Variants in GK observed in about 807,000 individuals in gnomAD.
The protein encoded by GK is glycerol kinase, also known as ATP:glycerol 3-phosphotransferase.
GK carries 9 observed loss-of-function variants against 56.4 expected under a neutral mutation model. The observed-to-expected ratio is 0.16, with a 90% CI of 0.10 to 0.28. GK has a LOEUF of 0.28. GK is among the 10% of genes least tolerant of loss of function. GK has a pLI of 1.00. For synonymous variants in GK, 104 were observed against 144.1 expected (o/e 0.72, Z 1.99); for missense variants, 161 against 431.4 (o/e 0.37, Z 5.55).
intron 4 of GK, among the ~76,000 whole-genome samples, chrX:30,680,570 C>G (rs113304413): frequency 9.0e-6 from 1 of 111,638 alleles, no homozygotes; most frequent in Non-Finnish European, 1.9e-5. Flanking sequence ...TTCAAACACA[C>G]CAGTATGCGG....
chrX:30,672,108 G>A (rs1331008235), intron 3 of GK: 3 of 84,150 alleles, frequency 3.6e-5, no homozygotes, highest in Admixed American at 1.7e-4. Flanking sequence ...ACGCCGAGCC[G>A]AGATCATGCC....
At chrX:30,678,671 G>GTTTTT (rs35987506) in intron 4 of GK, among the ~76,000 whole-genome samples, 5 of 85,762 alleles carry the variant, frequency 5.8e-5, no homozygotes, top group Non-Finnish European at 6.7e-5. Context: ...TTTCTGTGGT[G>GTTTTT]TTTTTTTTTT....
intron 13 of GK, among the ~76,000 whole-genome samples, chrX:30,716,510 G>A (rs904617080): frequency 1.8e-5 from 2 of 111,253 alleles, no homozygotes; most frequent in Non-Finnish European, 3.8e-5. Flanking sequence ...AATACATTGG[G>A]TTAAATAAAA....
intron 4 of GK, among the ~76,000 whole-genome samples, chrX:30,680,205 C>A (rs755167296): frequency 2.0e-4 from 22 of 111,510 alleles, no homozygotes; most frequent in Non-Finnish European, 3.6e-4. Flanking sequence ...TAATAATACT[C>A]AGTAAGTGCT....
intron 1 of GK, among the ~76,000 whole-genome samples, chrX:30,663,122 A>G (rs891994908): frequency 3.6e-5 from 4 of 110,021 alleles, no homozygotes; most frequent in African/African-American, 1.3e-4. Context: ...ACCTCAGGTG[A>G]TCCACCTGCT....
intron 13 of GK, among the ~76,000 whole-genome samples, chrX:30,714,138 A>G (rs1936493130): frequency 8.9e-6 from 1 of 112,059 alleles, no homozygotes; most frequent in Admixed American, 9.5e-5. Context: ...TAACGATTAT[A>G]GCGTTAAGAT....
Position 30,720,106 on chromosome X carries a change from T to C in GK, c.1236+11T>C. On this transcript the variant is annotated intron_variant, in intron 16 of 20. Coordinates refer to ENST00000427190, the MANE Select transcript of GK (RefSeq NM_001205019.2). ...TTCCAAACTCGAGAGGTAACAAATA[T>C]GGGCCTGTTTTCTTGTACTTAGTTC... is the stretch of plus-strand genomic sequence containing the variant. 9.3e-7 allele frequency: 1 copy of C among 1,078,370 alleles called. No homozygotes were observed. Among genetic ancestry groups the C allele is most frequent in the Non-Finnish European group, 1.3e-6 (1 of 773,686 alleles). 88.9% of individuals were successfully genotyped at this position (1,078,370 alleles called of 1,213,427 possible). A position where few individuals can be genotyped will look rare whatever the true frequency, so the allele number is the denominator to read the frequency against.
chrX:30,678,402 A>G (rs980524135), intron 4 of GK, among the ~76,000 whole-genome samples: 2 of 111,867 alleles, frequency 1.8e-5, no homozygotes, highest in African/African-American at 6.5e-5. Flanking sequence ...CTAAATTACA[A>G]TCACTAAAAG....
chrX:30,677,684 G>T (rs754543762), intron 4 of GK, among the ~76,000 whole-genome samples: 2 of 109,663 alleles, frequency 1.8e-5, no homozygotes, highest in South Asian at 7.9e-4. Context: ...AATTAGCCAG[G>T]TGTGGTGGCA....
intron 1 of GK, among the ~76,000 whole-genome samples, chrX:30,656,416 C>T (rs1932285466): frequency 1.8e-5 from 2 of 111,875 alleles, no homozygotes; most frequent in Admixed American, 1.9e-4. Flanking sequence ...TGCAAGCTTT[C>T]TTCTTCTTTT....
chrX:30,707,457 G>T, intron 11 of GK, 99 bp from the exon 12 acceptor site: 1 of 558,886 alleles, frequency 1.8e-6, no homozygotes, highest in South Asian at 2.7e-5. Context: ...GACTTTTTTG[G>T]ACTAAATTAT....
chrX:30,710,587 G>A (rs757880773), intron 13 of GK, among the ~76,000 whole-genome samples: 13 of 111,203 alleles, frequency 1.2e-4, no homozygotes, highest in African/African-American at 4.2e-4. Flanking sequence ...TTTTGTAAAT[G>A]CTTACAAAGT....
At chrX:30,695,221 CT>C in intron 6 of GK, 1 of 784,144 alleles carries the variant, frequency 1.3e-6, no homozygotes, top group Non-Finnish European at 1.6e-6. Flanking sequence ...CAGAGCAGGT[CT>C]TTCAGAACCC....
At position 30,719,285 on chromosome X, in the gene GK, G is replaced by A. The variant is rs1936778250; in HGVS notation, c.1055-134G>A. The A allele has an allele frequency of 1.1e-5, 5 of 473,497 alleles. No individual in the cohort carries two copies. The East Asian group carries it at 1.5e-4, about 14-fold the overall frequency. 39.0% of individuals were successfully genotyped at this position (473,497 alleles called of 1,213,427 possible). On this transcript the variant is annotated intron_variant, in intron 14 of 20. Coordinates refer to ENST00000427190, the MANE Select transcript of GK (RefSeq NM_001205019.2). ...TGATCCTAGCATACTACTGTAGTTA[G>A]CAACATTTTGCTCTACCAATGAATT...
At chrX:30,726,525 G>T (rs1469088665) in intron 19 of GK, among the ~76,000 whole-genome samples, 3 of 111,234 alleles carry the variant, frequency 2.7e-5, no homozygotes, top group Non-Finnish European at 5.7e-5. Flanking sequence ...AACCTCAGGT[G>T]ATCCGCCCAC....
At chrX:30,718,432 G>C (rs1936735222) in intron 13 of GK, 106 bp from the exon 14 acceptor site, 7 of 543,095 alleles carry the variant, frequency 1.3e-5, no homozygotes, top group Non-Finnish European at 2.0e-5. Flanking sequence ...TCTCAAAATG[G>C]AAACTGAATT....
At chrX:30,719,229 G>A (rs748577205) in intron 14 of GK, among the ~76,000 whole-genome samples, 190 bp from the exon 15 acceptor site, 5 of 110,986 alleles carry the variant, frequency 4.5e-5, no homozygotes, top group East Asian at 2.8e-4. Flanking sequence ...TTTAGTGGGG[G>A]GTATTTAATG....
intron 1 of GK, among the ~76,000 whole-genome samples, chrX:30,664,012 AT>A (rs1932876609): frequency 1.1e-5 from 1 of 90,834 alleles, no homozygotes; most frequent in Non-Finnish European, 2.1e-5. Context: ...TATATATTTT[AT>A]ATATATCTAT....
At chrX:30,665,354 T>C (rs987191047) in intron 1 of GK, among the ~76,000 whole-genome samples, 157 bp from the exon 2 acceptor site, 2 of 112,357 alleles carry the variant, frequency 1.8e-5, no homozygotes, top group Non-Finnish European at 1.9e-5. Context: ...TTATATCTTT[T>C]ATGAATCCAT....
Sources: allele counts gnomAD v4.1 joint callset (sites outside exome capture counted in the v4.1 genomes callset), GRCh38; gene constraint gnomAD v4.1.1; transcripts MANE v1.5; gene names NCBI Gene and HGNC (gene_info 2026-07-23, HGNC 2026-07-21).